Variants in CUBN observed in about 807,000 individuals in gnomAD.
CUBN encodes cubilin, also known as 460 kDa receptor.
In CUBN, 282 loss-of-function variants were observed where a neutral mutation model predicts 405.3. The ratio of observed to expected loss-of-function variants is 0.70; its 90% CI spans 0.63 to 0.77. The LOEUF is 0.77. CUBN is among the 30% of genes least tolerant of loss of function. The pLI is 0.00. For synonymous variants in CUBN, 1,684 were observed against 1,617.0 expected (o/e 1.04, Z -0.99); for missense variants, 4,514 against 4,475.2 (o/e 1.01, Z -0.25).
rs528578948 is a variant in CUBN at position 17,090,109 on chromosome 10, G to A, written c.1766-1764C>T. Among the ~76,000 whole-genome samples the A allele has an allele frequency of 2.0e-5, 3 of 152,072 alleles. No individual in the cohort carries two copies. In the East Asian group the frequency reaches 5.8e-4, roughly 29 times the overall value. On this transcript the variant is annotated intron_variant, in intron 14 of 66. Coordinates refer to ENST00000377833, the MANE Select transcript of CUBN (RefSeq NM_001081.4). ...AAAATAAAAAACAAAAGACTAAAAA[G>A]AAAATGGCCAAAGGACTGGAAACAA...
At chr10:17,018,950 A>G (rs921086688) in intron 28 of CUBN, among the ~76,000 whole-genome samples, 3 of 152,214 alleles carry the variant, frequency 2.0e-5, no homozygotes, top group African/African-American at 7.2e-5. Flanking sequence ...CACCTGACCC[A>G]GAAGCTCAGC....
Position 17,071,885 on chromosome 10 carries a change from G to C in CUBN, c.2388C>G (p.Ile796Met), listed in dbSNP as rs369530350. 6.2e-7 allele frequency: 1 copy of C among 1,613,180 alleles called. No individual in the cohort carries two copies. The highest frequency in any genetic ancestry group is 8.5e-7 in the Non-Finnish European group (1 of 1,179,610). Reference sequence around the variant, plus strand: ...CAACAGAAGCATCTATTTTAAACCTGATCCAGACACTATTAGTAATGGATT... The same window carrying C: ...CAACAGAAGCATCTATTTTAAACCTCATCCAGACACTATTAGTAATGGATT... ...HIKSITNSVW[I>M]RFKIDASVEK... Residue 796 changes from isoleucine to methionine, a missense_variant, in exon 18 of 67, where the codon ATC (isoleucine) becomes ATG (methionine). Around this residue, in one of 5 missense-constraint regions of CUBN, gnomAD observed 1,448 missense variants for 1,388.0 expected, o/e 1.04. Transcript: ENST00000377833.
intron 6 of CUBN, 134 bp from the exon 7 acceptor site, chr10:17,115,731 AT>A: frequency 9.3e-7 from 1 of 1,073,102 alleles, no homozygotes; most frequent in Non-Finnish European, 1.4e-6. Flanking sequence ...AGCAATGCAA[AT>A]TTACTGACTG....
intron 6 of CUBN, among the ~76,000 whole-genome samples, chr10:17,119,597 T>G (rs1473565742): frequency 2.0e-5 from 3 of 151,984 alleles, no homozygotes; most frequent in Non-Finnish European, 4.4e-5. Flanking sequence ...GATGCAGAGG[T>G]TGCAGCAATT....
intron 22 of CUBN, among the ~76,000 whole-genome samples, chr10:17,055,479 T>C (rs1835369935): frequency 1.3e-5 from 2 of 152,106 alleles, no homozygotes; most frequent in Non-Finnish European, 2.9e-5. Context: ...ATAAAACTTA[T>C]TTAACTTATT....
At chr10:16,939,261 T>C (rs190750714) in intron 37 of CUBN, 114 bp from the exon 38 acceptor site, 2 of 849,796 alleles carry the variant, frequency 2.4e-6, no homozygotes, top group Admixed American at 1.9e-5. Context: ...TTGACTGTGA[T>C]TTCTTTTCTG....
chr10:17,126,809 G>C lies in CUBN; in HGVS notation c.349-10C>G. On this transcript the variant is annotated splice_polypyrimidine_tract_variant and intron_variant, in intron 3 of 66. Coordinates refer to ENST00000377833, the MANE Select transcript of CUBN (RefSeq NM_001081.4). ...TCTCAAGATCCACCAGCTGGCAATA[G>C]GGAAGAAAAAGCTTCAGTTAGCTGG... 3 of 1,614,072 alleles carry C rather than the reference G, an allele frequency of 1.9e-6. No individual in the cohort carries two copies. The highest frequency in any genetic ancestry group is 1.1e-5 in the South Asian group (1 of 91,084).
chr10:17,123,416 C>T (rs1224094376), intron 5 of CUBN, 172 bp downstream of exon 5: 2 of 672,636 alleles, frequency 3.0e-6, no homozygotes, highest in Non-Finnish European at 5.4e-6. Context: ...GTGGGTTATA[C>T]AATCATACTC....
chr10:17,078,818 G>T (rs1445760321), intron 17 of CUBN, among the ~76,000 whole-genome samples: 1 of 152,026 alleles, frequency 6.6e-6, no homozygotes, highest in Non-Finnish European at 1.5e-5. Context: ...TTTTATATCA[G>T]AAAAGTACCA....
chr10:17,089,112 C>T lies in CUBN; in HGVS notation c.1766-767G>A, dbSNP rs192345743. ...AATAAAAATCCAGACTGTAGTAATA[C>T]AGACATTAGAAATAAGTGAGATAGG... On this transcript the variant is annotated intron_variant, in intron 14 of 66. Coordinates refer to ENST00000377833, the MANE Select transcript of CUBN (RefSeq NM_001081.4). 2.3e-3 allele frequency among the ~76,000 whole-genome samples: 356 copies of T among 152,186 alleles called. 2 individuals are homozygous for T. Among genetic ancestry groups the T allele is most frequent in the Non-Finnish European group, 9.6e-4 (65 of 68,016 alleles).
chr10:16,973,497 C>G (rs1321885334), intron 31 of CUBN, among the ~76,000 whole-genome samples: 1 of 152,198 alleles, frequency 6.6e-6, no homozygotes, highest in Non-Finnish European at 1.5e-5. Flanking sequence ...TTCTAAAAAC[C>G]TTTCACCTTA....
chr10:17,080,968 A>G (rs537945576), intron 17 of CUBN, among the ~76,000 whole-genome samples: 1 of 152,210 alleles, frequency 6.6e-6, no homozygotes, highest in Non-Finnish European at 1.5e-5. Context: ...TTCCATGGGT[A>G]ATGTATATCT....
chr10:16,991,351 G>A (rs1833581495), intron 28 of CUBN, among the ~76,000 whole-genome samples: 2 of 151,788 alleles, frequency 1.3e-5, no homozygotes, highest in Admixed American at 6.6e-5. Flanking sequence ...CAGAGGTGGT[G>A]TGGATTTTCC....
chr10:17,098,607 C>T (rs1392623209), intron 14 of CUBN, among the ~76,000 whole-genome samples: 2 of 151,950 alleles, frequency 1.3e-5, no homozygotes, highest in African/African-American at 4.8e-5. Context: ...ATAATAGTTA[C>T]AAAGACTGGA....
At chr10:17,104,680 G>A in intron 11 of CUBN, 75 bp from the exon 12 acceptor site, 2 of 813,102 alleles carry the variant, frequency 2.5e-6, no homozygotes, top group Non-Finnish European at 4.1e-6. Context: ...CAAATAATAG[G>A]AATGTAGTGC....
intron 49 of CUBN, among the ~76,000 whole-genome samples, chr10:16,907,021 G>A (rs1195988903): frequency 6.6e-6 from 1 of 152,048 alleles, no homozygotes; most frequent in Non-Finnish European, 1.5e-5. Context: ...ATAATTAGAG[G>A]CCATATCTTG....
chr10:16,866,146 A>C (rs1156915975), intron 59 of CUBN, among the ~76,000 whole-genome samples: 1 of 152,254 alleles, frequency 6.6e-6, no homozygotes, highest in Non-Finnish European at 1.5e-5. Flanking sequence ...TCTACACTGA[A>C]GTTTTGCTGA....
At chr10:17,016,205 G>C (rs11528678) in intron 28 of CUBN, among the ~76,000 whole-genome samples, 57,023 of 150,536 alleles carry the variant, frequency 0.38, 11,158 homozygotes, top group East Asian at 0.59. Flanking sequence ...CTTTCCCTGA[G>C]TTATGGTGGA....
At chr10:16,852,923 T>A (rs1404809600) in intron 59 of CUBN, among the ~76,000 whole-genome samples, 2 of 152,238 alleles carry the variant, frequency 1.3e-5, no homozygotes, top group Non-Finnish European at 2.9e-5. Flanking sequence ...AGCCACACTC[T>A]ATATTTAACT....
Sources: allele counts gnomAD v4.1 joint callset (sites outside exome capture counted in the v4.1 genomes callset), GRCh38; gene constraint gnomAD v4.1.1; regional missense constraint gnomAD v4.1.1; transcripts MANE v1.5; gene names NCBI Gene and HGNC (gene_info 2026-07-23, HGNC 2026-07-21).